SCFD2: variants seen among roughly 807,000 people sequenced by gnomAD.
SCFD2 encodes sec1 family domain containing 2.
In SCFD2, 54 loss-of-function variants were observed where a neutral mutation model predicts 58.9. The observed-to-expected ratio is 0.92, with a 90% CI of 0.74 to 1.15. The LOEUF (loss-of-function observed/expected upper bound fraction) is 1.15, where lower values mean the gene tolerates loss of function less well. Among genes scored for constraint, SCFD2 ranks in the 50% most tolerant of loss-of-function variants. The pLI is 0.00. For missense variants in SCFD2, 805 were observed against 836.6 expected (o/e 0.96, Z 0.47); for synonymous variants, 321 against 335.9 (o/e 0.96, Z 0.49).
chr4:53,152,887 C>T (rs925867603), intron 4 of SCFD2, among the ~76,000 whole-genome samples: 5 of 152,200 alleles, frequency 3.3e-5, no homozygotes, highest in African/African-American at 7.2e-5. Flanking sequence ...GCAGGGCAGA[C>T]ATTAAACCTT....
intron 6 of SCFD2, among the ~76,000 whole-genome samples, chr4:52,912,637 C>T (rs951987411): frequency 1.4e-4 from 21 of 152,100 alleles, no homozygotes; most frequent in African/African-American, 4.6e-4. Flanking sequence ...AGTACTTGTG[C>T]CTTCTTAATA....
chr4:53,298,373 G>T (rs182526676), intron 3 of SCFD2, among the ~76,000 whole-genome samples: 3 of 152,124 alleles, frequency 2.0e-5, no homozygotes, highest in South Asian at 2.1e-4. Flanking sequence ...GAGATCAAAC[G>T]GCAAGGCAGT....
intron 5 of SCFD2, among the ~76,000 whole-genome samples, chr4:53,134,088 G>A (rs1004683163): frequency 6.6e-6 from 1 of 152,142 alleles, no homozygotes; most frequent in African/African-American, 2.4e-5. Context: ...AGTTACAGAC[G>A]GGCACATACT....
intron 6 of SCFD2, 21 bp downstream of exon 6, chr4:52,920,704 C>T: frequency 6.5e-7 from 1 of 1,542,270 alleles, no homozygotes; most frequent in South Asian, 1.2e-5. Context: ...TAGAAGGTTA[C>T]TTTAAAACGT....
chr4:53,361,497 A>T (rs1434287515), intron 1 of SCFD2, among the ~76,000 whole-genome samples: 2 of 152,204 alleles, frequency 1.3e-5, no homozygotes, highest in African/African-American at 2.4e-5. Context: ...CCCAGGTTCA[A>T]GCAATCTGCA....
intron 3 of SCFD2, among the ~76,000 whole-genome samples, chr4:53,277,099 T>TA (rs1731350177): frequency 6.6e-6 from 1 of 152,202 alleles, no homozygotes; most frequent in South Asian, 2.1e-4. Flanking sequence ...TAACAGGCAC[T>TA]ATTCCTGTTT....
At chr4:53,079,319 C>T (rs1724074024) in intron 5 of SCFD2, among the ~76,000 whole-genome samples, 1 of 152,180 alleles carries the variant, frequency 6.6e-6, no homozygotes, top group African/African-American at 2.4e-5. Flanking sequence ...AGTGCCCACT[C>T]CCACTGGTGA....
chr4:53,209,475 AT>A (rs1316465473), intron 4 of SCFD2, among the ~76,000 whole-genome samples: 1 of 152,144 alleles, frequency 6.6e-6, no homozygotes, highest in Non-Finnish European at 1.5e-5. Flanking sequence ...AAGAATGTCC[AT>A]TTGGGTATTC....
chr4:52,884,578 T>C (rs1028317557), intron 8 of SCFD2, among the ~76,000 whole-genome samples: 13 of 152,308 alleles, frequency 8.5e-5, no homozygotes, highest in African/African-American at 3.1e-4. Context: ...TTTTTTTTTC[T>C]GAGTTCTTCA....
intron 5 of SCFD2, among the ~76,000 whole-genome samples, chr4:53,008,226 TC>T (rs1043775881): frequency 3.9e-5 from 6 of 152,172 alleles, no homozygotes; most frequent in Non-Finnish European, 8.8e-5. Flanking sequence ...GAGGGTGGCC[TC>T]ATTCTCCTCT....
intron 4 of SCFD2, among the ~76,000 whole-genome samples, chr4:53,187,343 C>T (rs1197151719): frequency 6.6e-6 from 1 of 152,010 alleles, no homozygotes; most frequent in Non-Finnish European, 1.5e-5. Flanking sequence ...TCTGAGGGCA[C>T]TTTGCCAATA....
chr4:52,933,424 T>C (rs1418773405), intron 5 of SCFD2, among the ~76,000 whole-genome samples: 1 of 152,222 alleles, frequency 6.6e-6, no homozygotes, highest in Non-Finnish European at 1.5e-5. Context: ...AACTGAGTTA[T>C]CACAAAGCTT....
chr4:53,340,943 A>G (rs947393803), intron 2 of SCFD2, among the ~76,000 whole-genome samples: 3 of 152,202 alleles, frequency 2.0e-5, no homozygotes, highest in Non-Finnish European at 4.4e-5. Context: ...GGACATCCAC[A>G]CCAAAACCCC....
chr4:52,889,443 C>A (rs778083996), intron 7 of SCFD2, among the ~76,000 whole-genome samples: 9 of 152,218 alleles, frequency 5.9e-5, no homozygotes, highest in Non-Finnish European at 8.8e-5. Flanking sequence ...CTCCATCACA[C>A]ACTCAGATTA....
rs1723203352 is a variant in SCFD2, at chr4:53,052,077, C to T, written c.1561+93256G>A. Among the ~76,000 whole-genome samples, 4 of 152,068 alleles carry T rather than the reference C, an allele frequency of 2.6e-5. No individual in the cohort carries two copies. The South Asian group carries it at 6.2e-4, about 24-fold the overall frequency. ...AAAATGCAAAAATATGACATTATTC[C>T]CCTTCTTAAAACCTTTCAGAAGCTT... On this transcript the variant is annotated intron_variant, in intron 5 of 8. Transcript: ENST00000401642.
intron 4 of SCFD2, among the ~76,000 whole-genome samples, chr4:53,202,988 T>C (rs1728298143): frequency 6.6e-6 from 1 of 152,212 alleles, no homozygotes; most frequent in Non-Finnish European, 1.5e-5. Flanking sequence ...GCAATTTGAC[T>C]TCCTCTTTTC....
At chr4:53,209,427 G>A (rs1025217108) in intron 4 of SCFD2, among the ~76,000 whole-genome samples, 8 of 152,088 alleles carry the variant, frequency 5.3e-5, no homozygotes, top group African/African-American at 1.9e-4. Flanking sequence ...AAGACCAAGT[G>A]GAAGTTCAGC....
chr4:53,066,479 C>T (rs1197447534), intron 5 of SCFD2, among the ~76,000 whole-genome samples: 2 of 151,870 alleles, frequency 1.3e-5, no homozygotes, highest in Non-Finnish European at 2.9e-5. Context: ...AAATTCTGTA[C>T]CAAAAAGTAC....
intron 5 of SCFD2, among the ~76,000 whole-genome samples, chr4:53,073,531 G>T (rs1560323890): frequency 6.6e-6 from 1 of 152,012 alleles, no homozygotes; most frequent in Non-Finnish European, 1.5e-5. Flanking sequence ...AAGCCCTGTT[G>T]ACCCTCTCAA....
Sources: gnomAD v4.1 joint callset for allele counts (sites outside exome capture counted in the v4.1 genomes callset) on GRCh38, gnomAD v4.1.1 for gene constraint, MANE v1.5 for transcripts, NCBI Gene and HGNC (gene_info 2026-07-23, HGNC 2026-07-21) for gene names.